STAU2: variants seen among roughly 807,000 people sequenced by gnomAD.
The protein encoded by STAU2 is double-stranded RNA-binding protein Staufen homolog 2.
STAU2 carries 20 observed loss-of-function variants against 65.9 expected under a neutral mutation model. The observed-to-expected ratio is 0.30, with a 90% confidence interval of 0.21 to 0.44. The LOEUF (loss-of-function observed/expected upper bound fraction) is 0.44, where lower values mean the gene tolerates loss of function less well. STAU2 is among the 20% of genes least tolerant of loss of function. The pLI, the probability that STAU2 is intolerant of heterozygous loss-of-function variation, is 1.00. For missense variants in STAU2, 558 were observed against 683.9 expected (o/e 0.82, Z 2.05); for synonymous variants, 232 against 233.9 (o/e 0.99, Z 0.07).
Position 73,604,056 on chromosome 8 carries a change from G to C in STAU2, c.892-193C>G, listed in dbSNP as rs146714272. On this transcript the variant is annotated intron_variant, in intron 9 of 14. Coordinates refer to ENST00000524300, the MANE Select transcript of STAU2 (RefSeq NM_001164380.2). ...TGTAACCAAGGCTTCTATGGGACTT[G>C]GGGCTTAGATGTATTAATGGCAAGG... Among the ~76,000 whole-genome samples, 123 of 152,160 alleles carry C rather than the reference G, an allele frequency of 8.1e-4. 1 individual carries two copies. The highest frequency in any genetic ancestry group is 2.7e-3 in the African/African-American group (114 of 41,532).
At chr8:73,742,555 A>T (rs1487883370) in intron 1 of STAU2, among the ~76,000 whole-genome samples, 1 of 151,908 alleles carries the variant, frequency 6.6e-6, no homozygotes, top group Non-Finnish European at 1.5e-5. Context: ...TTAAAAAAAA[A>T]ATCCACCTCC....
intron 6 of STAU2, among the ~76,000 whole-genome samples, chr8:73,619,484 A>T (rs1178257350): frequency 6.6e-6 from 1 of 152,252 alleles, no homozygotes; most frequent in East Asian, 1.9e-4. Flanking sequence ...TGCACATCCA[A>T]GTAGTGACGC....
intron 13 of STAU2, among the ~76,000 whole-genome samples, chr8:73,525,720 T>G (rs911940442): frequency 6.6e-6 from 1 of 152,204 alleles, no homozygotes; most frequent in Admixed American, 6.5e-5. Context: ...TTTCATTTCT[T>G]TGCTCAGCCT....
chr8:73,582,973 G>T, intron 11 of STAU2, 143 bp from the exon 12 acceptor site: 1 of 636,128 alleles, frequency 1.6e-6, no homozygotes, highest in Non-Finnish European at 2.7e-6. Flanking sequence ...CTGGGATGAT[G>T]GCTACAAAAG....
At chr8:73,738,462 T>A in intron 2 of STAU2, 113 bp from the exon 3 acceptor site, 1 of 750,160 alleles carries the variant, frequency 1.3e-6, no homozygotes, top group Non-Finnish European at 2.1e-6. Context: ...TTTATCCAGA[T>A]CTCCATAGAA....
chr8:73,633,316 T>TA (rs1316820654), intron 6 of STAU2, among the ~76,000 whole-genome samples: 3 of 152,168 alleles, frequency 2.0e-5, no homozygotes, highest in Admixed American at 1.3e-4. Flanking sequence ...CAAATGAAGA[T>TA]AGAGTGGCTC....
intron 13 of STAU2, among the ~76,000 whole-genome samples, chr8:73,424,672 A>G (rs1816663930): frequency 6.6e-6 from 1 of 152,090 alleles, no homozygotes; most frequent in African/African-American, 2.4e-5. Context: ...ATAAACATCC[A>G]TATGTGGAAT....
chr8:73,646,340 G>A (rs1431562297), intron 6 of STAU2, among the ~76,000 whole-genome samples: 1 of 152,196 alleles, frequency 6.6e-6, no homozygotes, highest in African/African-American at 2.4e-5. Flanking sequence ...CACTTATTAT[G>A]TAACTTCAGT....
chr8:73,737,037 T>C (rs1004195674), intron 3 of STAU2, among the ~76,000 whole-genome samples: 5 of 151,886 alleles, frequency 3.3e-5, no homozygotes, highest in Non-Finnish European at 5.9e-5. Flanking sequence ...GCTGATTTTT[T>C]TGTATTTTTA....
chr8:73,492,662 G>A (rs897328147), intron 13 of STAU2, among the ~76,000 whole-genome samples: 1 of 151,752 alleles, frequency 6.6e-6, no homozygotes, highest in African/African-American at 2.4e-5. Context: ...TCTTCATATG[G>A]TATGAGGAAA....
chr8:73,597,669 C>CAAAAAA (rs34461371), intron 10 of STAU2, among the ~76,000 whole-genome samples: 3 of 55,862 alleles, frequency 5.4e-5, no homozygotes, highest in Non-Finnish European at 9.3e-5. Context: ...GTCTCTGTCT[C>CAAAAAA]AAAAAAAAAA....
intron 7 of STAU2, among the ~76,000 whole-genome samples, chr8:73,616,606 G>C (rs1458146221): frequency 6.6e-6 from 1 of 152,016 alleles, no homozygotes; most frequent in Non-Finnish European, 1.5e-5. Context: ...AGAACATCCT[G>C]GTTAACACAG....
intron 6 of STAU2, among the ~76,000 whole-genome samples, chr8:73,619,611 CTGAA>C (rs762183495): frequency 5.9e-5 from 9 of 152,106 alleles, no homozygotes; most frequent in Admixed American, 1.3e-4. Context: ...TTGATTGGTA[CTGAA>C]GATGCAGATT....
intron 1 of STAU2, among the ~76,000 whole-genome samples, chr8:73,744,900 T>C (rs1807166410): frequency 6.6e-6 from 1 of 152,262 alleles, no homozygotes; most frequent in Non-Finnish European, 1.5e-5. Context: ...CTTGAAATTA[T>C]TTCCAAATAA....
intron 13 of STAU2, among the ~76,000 whole-genome samples, chr8:73,426,169 C>CTTTTTTT (rs60313895): frequency 6.8e-6 from 1 of 147,512 alleles, no homozygotes; most frequent in Non-Finnish European, 1.5e-5. Flanking sequence ...AGGTAACCTG[C>CTTTTTTT]TTTTTTTTTT....
chr8:73,746,094 A>C, intron 1 of STAU2, among the ~76,000 whole-genome samples: 1 of 152,094 alleles, frequency 6.6e-6, no homozygotes. Flanking sequence ...TCACGGTAGG[A>C]GTTCGTAACA....
chr8:73,676,069 G>C (rs1818010622), intron 5 of STAU2, among the ~76,000 whole-genome samples: 1 of 151,930 alleles, frequency 6.6e-6, no homozygotes, highest in South Asian at 2.1e-4. Flanking sequence ...TACTTCCATA[G>C]TTTAAAAAAA....
chr8:73,738,831 A>G (rs1338986996), intron 2 of STAU2, among the ~76,000 whole-genome samples: 1 of 152,232 alleles, frequency 6.6e-6, no homozygotes, highest in Non-Finnish European at 1.5e-5. Context: ...AAGAAGATGC[A>G]ACACCACAAG....
chr8:73,524,809 C>T (rs1823257996), intron 13 of STAU2, among the ~76,000 whole-genome samples: 1 of 152,264 alleles, frequency 6.6e-6, no homozygotes. Context: ...AAATGTTTCC[C>T]TATTTACTAG....
Sources: allele counts gnomAD v4.1 joint callset (sites outside exome capture counted in the v4.1 genomes callset), GRCh38; gene constraint gnomAD v4.1.1; transcripts MANE v1.5; gene names NCBI Gene and HGNC (gene_info 2026-07-23, HGNC 2026-07-21).